The following FGF2 variants were observed in gnomAD, a reference collection of about 807,000 sequenced individuals.
FGF2 encodes basic fibroblast growth factor bFGF.
FGF2 carries 13 observed loss-of-function variants against 15.9 expected under a neutral mutation model. That is an observed-to-expected ratio of 0.82 (90% CI 0.53 to 1.30). FGF2 has a LOEUF of 1.30. Ranked by LOEUF, FGF2 falls within the 50% of genes most tolerant of loss-of-function variation. The pLI, the probability that FGF2 is intolerant of heterozygous loss-of-function variation, is 0.00. For synonymous variants in FGF2, 90 were observed against 78.4 expected (o/e 1.15, Z -0.78); for missense variants, 163 against 196.9 (o/e 0.83, Z 1.03).
chr4:122,853,435 C>A (rs1031228321), intron 1 of FGF2, among the ~76,000 whole-genome samples: 1 of 152,064 alleles, frequency 6.6e-6, no homozygotes, highest in African/African-American at 2.4e-5. Flanking sequence ...AATATCTTAA[C>A]ACACAGAGGG....
intron 2 of FGF2, among the ~76,000 whole-genome samples, chr4:122,877,598 G>T (rs954084021): frequency 6.6e-6 from 1 of 152,204 alleles, no homozygotes; most frequent in African/African-American, 2.4e-5. Flanking sequence ...ATAAAAGACA[G>T]ATCTCATTCC....
At chr4:122,851,350 C>G (rs1299041361) in intron 1 of FGF2, among the ~76,000 whole-genome samples, 1 of 152,122 alleles carries the variant, frequency 6.6e-6, no homozygotes, top group Non-Finnish European at 1.5e-5. Flanking sequence ...ATTTTTGACT[C>G]AAATTCTGCT....
intron 1 of FGF2, among the ~76,000 whole-genome samples, chr4:122,830,828 A>AAAAAAAAC: frequency 6.6e-6 from 1 of 151,126 alleles, no homozygotes; most frequent in East Asian, 1.9e-4. Context: ...AAAAAAAAAA[A>AAAAAAAAC]AAAAAAAAAA....
intron 1 of FGF2, among the ~76,000 whole-genome samples, chr4:122,838,899 T>C (rs1725919663): frequency 6.6e-6 from 1 of 152,198 alleles, no homozygotes; most frequent in Non-Finnish European, 1.5e-5. Context: ...TTTCGGTTAA[T>C]TGCAGACCTC....
intron 1 of FGF2, among the ~76,000 whole-genome samples, chr4:122,836,202 A>C (rs116743903): frequency 0.011 from 1,663 of 152,314 alleles, 36 homozygotes; most frequent in African/African-American, 0.038. Context: ...TGCTGCATCT[A>C]TCCTCACACA....
chr4:122,877,328 G>T (rs1182662660), intron 2 of FGF2, among the ~76,000 whole-genome samples: 1 of 152,144 alleles, frequency 6.6e-6, no homozygotes, highest in African/African-American at 2.4e-5. Flanking sequence ...GGCTGGGCTG[G>T]TCCTGAACTT....
chr4:122,885,913 C>CTTTTT (rs11310783), intron 2 of FGF2, among the ~76,000 whole-genome samples: 51 of 84,522 alleles, frequency 6.0e-4, no homozygotes, highest in African/African-American at 2.2e-3. Context: ...TTTTTTTTTC[C>CTTTTT]TTTTTTTTTT....
intron 1 of FGF2, among the ~76,000 whole-genome samples, chr4:122,845,180 G>GT (rs890443050): frequency 5.3e-5 from 8 of 152,066 alleles, no homozygotes; most frequent in Admixed American, 3.3e-4. Flanking sequence ...TGAAAGGGAT[G>GT]TTTTTTTTGA....
intron 2 of FGF2, among the ~76,000 whole-genome samples, chr4:122,891,582 A>T (rs985802053): frequency 6.6e-6 from 1 of 152,166 alleles, no homozygotes; most frequent in African/African-American, 2.4e-5. Context: ...ATGTTCCAAT[A>T]TTATTTTTGG....
intron 2 of FGF2, among the ~76,000 whole-genome samples, chr4:122,887,356 A>G (rs1034296664): frequency 2.6e-5 from 4 of 152,142 alleles, no homozygotes; most frequent in Non-Finnish European, 5.9e-5. Flanking sequence ...ATATGAGTTC[A>G]TTCATACTGA....
At chr4:122,844,864 T>G (rs1007272317) in intron 1 of FGF2, among the ~76,000 whole-genome samples, 8 of 152,156 alleles carry the variant, frequency 5.3e-5, no homozygotes, top group Admixed American at 2.6e-4. Flanking sequence ...CTTGAACTCC[T>G]GGGCTCAAGC....
chr4:122,841,306 C>T (rs1169856856), intron 1 of FGF2, among the ~76,000 whole-genome samples: 2 of 152,326 alleles, frequency 1.3e-5, no homozygotes, highest in Non-Finnish European at 1.5e-5. Flanking sequence ...TACTTCCTGG[C>T]CCTTTACCCC....
chr4:122,864,647 A>C (rs1325571682), intron 1 of FGF2, among the ~76,000 whole-genome samples: 1 of 151,966 alleles, frequency 6.6e-6, no homozygotes, highest in Non-Finnish European at 1.5e-5. Flanking sequence ...TTTTCCTTGA[A>C]CTCATGAATG....
intron 1 of FGF2, among the ~76,000 whole-genome samples, chr4:122,843,803 A>G (rs1050355122): frequency 2.0e-5 from 3 of 152,218 alleles, no homozygotes; most frequent in South Asian, 2.1e-4. Flanking sequence ...TATATGTTAA[A>G]AAACCAATGT....
chr4:122,867,509 A>G (rs1017896266), intron 1 of FGF2, among the ~76,000 whole-genome samples: 1 of 152,154 alleles, frequency 6.6e-6, no homozygotes, highest in Non-Finnish European at 1.5e-5. Flanking sequence ...TGTTAAAAAT[A>G]TATATTTTTT....
chr4:122,891,331 C>T (rs992186861), intron 2 of FGF2, among the ~76,000 whole-genome samples: 1 of 151,974 alleles, frequency 6.6e-6, no homozygotes, highest in Non-Finnish European at 1.5e-5. Context: ...TGAGCCACCG[C>T]GCCCGGCCGA....
At chr4:122,863,660 C>T (rs976387451) in intron 1 of FGF2, among the ~76,000 whole-genome samples, 3 of 152,310 alleles carry the variant, frequency 2.0e-5, no homozygotes, top group Admixed American at 1.3e-4. Flanking sequence ...AGTCTCCTAG[C>T]ACCTGTAAAA....
At position 122,895,933 on chromosome 4, in the gene FGF2, A is replaced by G. The variant is rs2150797345; in HGVS notation, c.*3537A>G. ...AATTCTTAGATGATTCAGCTTCATC[A>G]TTAAGAATATCTTTTGTTTTATGTT... On this transcript the variant is annotated 3_prime_UTR_variant, in exon 3 of 3. Coordinates refer to ENST00000644866, the MANE Select transcript of FGF2 (RefSeq NM_001361665.2). 6.5e-6 allele frequency: 1 copy of G among 152,694 alleles called. No individual in the cohort carries two copies. Among genetic ancestry groups the G allele is most frequent in the African/African-American group, 2.4e-5 (1 of 41,596 alleles). 9.5% of individuals were successfully genotyped at this position (152,694 alleles called of 1,614,324 possible). A position where few individuals can be genotyped will look rare whatever the true frequency, so the allele number is the denominator to read the frequency against.
intron 2 of FGF2, among the ~76,000 whole-genome samples, chr4:122,877,191 C>T (rs1012855872): frequency 1.3e-5 from 2 of 151,704 alleles, no homozygotes; most frequent in African/African-American, 2.4e-5. Context: ...GTCACTGTAC[C>T]CTCTGCCTTC....
Sources: allele counts gnomAD v4.1 joint callset (sites outside exome capture counted in the v4.1 genomes callset), GRCh38; gene constraint gnomAD v4.1.1; transcripts MANE v1.5; gene names NCBI Gene and HGNC (gene_info 2026-07-23, HGNC 2026-07-21).